MACROD2: variants seen among roughly 807,000 people sequenced by gnomAD.
MACROD2 encodes ADP-ribose glycohydrolase MACROD2.
MACROD2 carries 36 observed loss-of-function variants against 70.4 expected under a neutral mutation model. The ratio of observed to expected loss-of-function variants is 0.51; its 90% CI spans 0.39 to 0.68. MACROD2 has a LOEUF of 0.68. MACROD2 is among the 30% of genes least tolerant of loss of function. The probability of loss-of-function intolerance (pLI) is 0.00; values close to 1 mark genes in which losing one functional copy is unlikely to be tolerated. For synonymous variants in MACROD2, 172 were observed against 178.8 expected (o/e 0.96, Z 0.30); for missense variants, 496 against 538.4 (o/e 0.92, Z 0.78).
At chr20:14,929,231 C>G (rs759551688) in intron 5 of MACROD2, 21 of 152,268 alleles carry the variant, frequency 1.4e-4, no homozygotes, top group Non-Finnish European at 2.6e-4. Flanking sequence ...GTCCCACAGA[C>G]TGCTCCACTT....
At chr20:15,067,942 T>A (rs555395240) in intron 5 of MACROD2, among the ~76,000 whole-genome samples, 28 of 152,316 alleles carry the variant, frequency 1.8e-4, no homozygotes, top group Admixed American at 1.6e-3. Context: ...TTCACATAGA[T>A]AAAACCAGTA....
chr20:15,588,525 C>G (rs1383454153), intron 8 of MACROD2, among the ~76,000 whole-genome samples: 1 of 152,122 alleles, frequency 6.6e-6, no homozygotes, highest in African/African-American at 2.4e-5. Flanking sequence ...GCAAATTTTC[C>G]AAACGTTTAT....
chr20:15,833,008 G>A (rs577488652), intron 8 of MACROD2, among the ~76,000 whole-genome samples: 3 of 152,148 alleles, frequency 2.0e-5, no homozygotes, highest in Admixed American at 6.5e-5. Context: ...ACGACAAAAT[G>A]TCCCTTAATA....
At chr20:14,020,993 T>C (rs2053069688) in intron 2 of MACROD2, among the ~76,000 whole-genome samples, 1 of 145,954 alleles carries the variant, frequency 6.9e-6, no homozygotes, top group African/African-American at 2.5e-5. Context: ...TATTCTTTTT[T>C]TTTTTTTTTT....
chr20:15,442,089 C>T (rs917225392), intron 7 of MACROD2, among the ~76,000 whole-genome samples: 1 of 152,116 alleles, frequency 6.6e-6, no homozygotes, highest in East Asian at 1.9e-4. Context: ...CATTCCTTTT[C>T]CTTGCTCCTT....
At chr20:14,799,889 C>T (rs1050102352) in intron 5 of MACROD2, among the ~76,000 whole-genome samples, 2 of 152,048 alleles carry the variant, frequency 1.3e-5, no homozygotes, top group African/African-American at 4.8e-5. Flanking sequence ...TATCTTGCAA[C>T]GTTTTGCTGG....
intron 5 of MACROD2, among the ~76,000 whole-genome samples, chr20:15,219,077 G>T (rs1253676693): frequency 1.3e-5 from 2 of 152,084 alleles, no homozygotes; most frequent in Non-Finnish European, 2.9e-5. Context: ...CTACATAAAA[G>T]TGAAATTGGT....
At chr20:15,695,188 T>G (rs1366469769) in intron 8 of MACROD2, among the ~76,000 whole-genome samples, 1 of 152,158 alleles carries the variant, frequency 6.6e-6, no homozygotes, top group Admixed American at 6.5e-5. Flanking sequence ...TTAGTCTTAC[T>G]TTGGCTATGC....
intron 6 of MACROD2, among the ~76,000 whole-genome samples, chr20:15,234,586 A>T (rs2076997401): frequency 6.6e-6 from 1 of 152,210 alleles, no homozygotes; most frequent in Non-Finnish European, 1.5e-5. Flanking sequence ...AGGAATGCAT[A>T]GTCAGACCAG....
chr20:14,282,962 C>A (rs1464582618), intron 3 of MACROD2, among the ~76,000 whole-genome samples: 1 of 152,150 alleles, frequency 6.6e-6, no homozygotes, highest in African/African-American at 2.4e-5. Context: ...TATATTGAAG[C>A]CCAGCCTCAG....
At chr20:14,186,821 T>C (rs2081348493) in intron 3 of MACROD2, among the ~76,000 whole-genome samples, 1 of 152,170 alleles carries the variant, frequency 6.6e-6, no homozygotes, top group African/African-American at 2.4e-5. Flanking sequence ...TAGAAGCCAT[T>C]TTCCTGAGTG....
At chr20:14,082,295 C>T (rs2054008487) in intron 2 of MACROD2, among the ~76,000 whole-genome samples, 1 of 148,066 alleles carries the variant, frequency 6.8e-6, no homozygotes, top group South Asian at 2.1e-4. Flanking sequence ...TCTCCTGCCT[C>T]AGCCTCCCAA....
intron 3 of MACROD2, among the ~76,000 whole-genome samples, chr20:14,189,013 A>G (rs1456405973): frequency 6.6e-6 from 1 of 152,086 alleles, no homozygotes; most frequent in Non-Finnish European, 1.5e-5. Context: ...TGTTTCATTC[A>G]GTGGTAGAGT....
intron 8 of MACROD2, among the ~76,000 whole-genome samples, chr20:15,500,405 A>C (rs535752025): frequency 6.6e-6 from 1 of 152,204 alleles, no homozygotes; most frequent in African/African-American, 2.4e-5. Flanking sequence ...TGCTTACTTA[A>C]TAAGATCTTT....
rs141780876 is a variant in MACROD2 at position 14,261,213 on chromosome 20, T to G, written c.271+175485T>G. Among the ~76,000 whole-genome samples, 539 of 152,310 alleles carry G rather than the reference T, an allele frequency of 3.5e-3. 4 individuals are homozygous for G. Among genetic ancestry groups the G allele is most frequent in the African/African-American group, 0.012 (512 of 41,564 alleles). On this transcript the variant is annotated intron_variant, in intron 3 of 17. Transcript: ENST00000684519. ...AAATAAAGAGAAAAAAAGGGGAAGC[T>G]ATTGTCAAGTAAAATAGAGACAGTC...
intron 7 of MACROD2, among the ~76,000 whole-genome samples, chr20:15,469,779 C>G (rs2046941260): frequency 6.6e-6 from 1 of 152,156 alleles, no homozygotes; most frequent in African/African-American, 2.4e-5. Flanking sequence ...GACACCTCAT[C>G]CCAATATTAC....
intron 8 of MACROD2, among the ~76,000 whole-genome samples, chr20:15,605,617 C>G (rs914988749): frequency 2.0e-5 from 3 of 152,054 alleles, no homozygotes; most frequent in African/African-American, 7.2e-5. Flanking sequence ...AACATGAACT[C>G]TGTAATCACA....
At chr20:15,185,396 A>G (rs1376874732) in intron 5 of MACROD2, among the ~76,000 whole-genome samples, 3 of 152,148 alleles carry the variant, frequency 2.0e-5, no homozygotes, top group African/African-American at 4.8e-5. Context: ...TCTTCAAATA[A>G]TTCACAACAT....
chr20:14,581,408 T>G (rs909191723), intron 4 of MACROD2, among the ~76,000 whole-genome samples: 7 of 152,214 alleles, frequency 4.6e-5, no homozygotes, highest in Non-Finnish European at 7.3e-5. Context: ...AACCACTGAT[T>G]TAACCACTTG....
Sources: gnomAD v4.1 joint callset for allele counts (sites outside exome capture counted in the v4.1 genomes callset) on GRCh38, gnomAD v4.1.1 for gene constraint, MANE v1.5 for transcripts, NCBI Gene and HGNC (gene_info 2026-07-23, HGNC 2026-07-21) for gene names.